The following TYW1 variants were observed in gnomAD, a reference collection of about 807,000 sequenced individuals.
TYW1 encodes the protein S-adenosyl-L-methionine-dependent tRNA 4-demethylwyosine synthase TYW1.
Under a neutral mutation model 96.2 loss-of-function variants are expected in TYW1, and 46 were observed. The observed-to-expected ratio is 0.48, with a 90% CI of 0.38 to 0.61. The LOEUF (loss-of-function observed/expected upper bound fraction) is 0.61, where lower values mean the gene tolerates loss of function less well. Ranked by LOEUF, TYW1 falls within the 20% of genes least tolerant of loss-of-function variation. The probability of loss-of-function intolerance (pLI) is 0.00; values close to 1 mark genes in which losing one functional copy is unlikely to be tolerated. For missense variants in TYW1, 684 were observed against 909.6 expected (o/e 0.75, Z 3.19); for synonymous variants, 274 against 323.0 (o/e 0.85, Z 1.63).
In TYW1 at chr7:67,098,709, C is replaced by T. The variant is rs370745036; in HGVS notation, c.1553C>T (p.Ala518Val). Reference protein sequence around the residue: ...SFLVTNAQFPAEIRNLEPVTQ... With the variant: ...SFLVTNAQFPVEIRNLEPVTQ... Reference sequence around the variant, plus strand: ...CTGGTCACAAACGCACAATTTCCTGCGGAAATCAGGTGAGTTCTCCAGCCT... The same window carrying T: ...CTGGTCACAAACGCACAATTTCCTGTGGAAATCAGGTGAGTTCTCCAGCCT... The change falls in exon 12 of 16, where the codon GCG becomes GTG. Residue 518 changes from alanine to valine, a missense_variant. Physicochemically the swap from Ala to Val is moderately conservative, Grantham distance 64 (BLOSUM62 0). Transcript: ENST00000359626. 98 of 1,613,252 alleles carry T rather than the reference C, an allele frequency of 6.1e-5. No individual in the cohort carries two copies. Among genetic ancestry groups the T allele is most frequent in the Non-Finnish European group, 7.6e-5 (90 of 1,179,630 alleles).
chr7:67,034,296 G>A (rs1381646209), intron 7 of TYW1, among the ~76,000 whole-genome samples: 1 of 151,678 alleles, frequency 6.6e-6, no homozygotes, highest in Admixed American at 6.6e-5. Context: ...AGTACAGACG[G>A]GGTTTTGCCA....
chr7:67,234,694 C>G (rs1007281490), intron 15 of TYW1, among the ~76,000 whole-genome samples: 2 of 152,162 alleles, frequency 1.3e-5, no homozygotes, highest in African/African-American at 4.8e-5. Flanking sequence ...TTTTAGCTTA[C>G]AGTTGTCCTA....
At chr7:67,073,767 CAAAAAAAAAAA>C (rs71526599) in intron 10 of TYW1, among the ~76,000 whole-genome samples, 1 of 42,322 alleles carries the variant, frequency 2.4e-5, no homozygotes, top group Non-Finnish European at 4.0e-5. Context: ...CGAGACTCTT[CAAAAAAAAAAA>C]AAAAAAAAAA....
At chr7:67,008,227 C>T (rs1200389985) in intron 3 of TYW1, among the ~76,000 whole-genome samples, 1 of 152,134 alleles carries the variant, frequency 6.6e-6, no homozygotes, top group Non-Finnish European at 1.5e-5. Flanking sequence ...CGTTTCTGGC[C>T]GTGTCTTCTC....
intron 13 of TYW1, among the ~76,000 whole-genome samples, chr7:67,121,767 CT>C (rs1797766923): frequency 6.6e-6 from 1 of 150,860 alleles, no homozygotes; most frequent in African/African-American, 2.5e-5. Context: ...TATTTCTGAT[CT>C]AGTACTACCC....
At chr7:67,120,113 T>C (rs1352468921) in intron 13 of TYW1, among the ~76,000 whole-genome samples, 1 of 152,038 alleles carries the variant, frequency 6.6e-6, no homozygotes, top group East Asian at 1.9e-4. Context: ...ATGGAGTCTC[T>C]TTCTGTTGCC....
chr7:67,212,214 A>G (rs752238346), intron 15 of TYW1, among the ~76,000 whole-genome samples: 3 of 151,350 alleles, frequency 2.0e-5, no homozygotes, highest in Admixed American at 6.6e-5. Context: ...TGGGAAGTAT[A>G]TACTATGTAG....
intron 15 of TYW1, among the ~76,000 whole-genome samples, chr7:67,230,747 G>A (rs148725882): frequency 6.7e-6 from 1 of 148,416 alleles, no homozygotes; most frequent in African/African-American, 2.5e-5. Flanking sequence ...CTACCTCCCG[G>A]GTTCAACCAA....
At chr7:67,178,701 T>C (rs1799749512) in intron 13 of TYW1, among the ~76,000 whole-genome samples, 1 of 152,074 alleles carries the variant, frequency 6.6e-6, no homozygotes, top group Non-Finnish European at 1.5e-5. Flanking sequence ...ATGATTCCAC[T>C]GACATAAATT....
At chr7:67,149,721 A>AT (rs1554376787) in intron 13 of TYW1, among the ~76,000 whole-genome samples, 2 of 108,066 alleles carry the variant, frequency 1.9e-5, no homozygotes, top group African/African-American at 6.4e-5. Context: ...AAGGAAAAAA[A>AT]ATATCTATCT....
At chr7:67,143,868 G>T (rs7793589) in intron 13 of TYW1, among the ~76,000 whole-genome samples, 33,475 of 151,908 alleles carry the variant, frequency 0.22, 3,746 homozygotes, top group South Asian at 0.28. Flanking sequence ...CTGAGAAAGC[G>T]TTTTTTGGTG....
At chr7:67,015,646 G>T (rs1043745165) in intron 5 of TYW1, among the ~76,000 whole-genome samples, 2 of 152,162 alleles carry the variant, frequency 1.3e-5, no homozygotes, top group African/African-American at 4.8e-5. Context: ...AACGTGTCCA[G>T]CCTGAGCTCA....
chr7:67,191,392 A>C (rs2949096), intron 14 of TYW1, among the ~76,000 whole-genome samples: 6 of 151,744 alleles, frequency 4.0e-5, no homozygotes, highest in African/African-American at 1.2e-4. Context: ...TGTTCTTCAC[A>C]AACATTCTTG....
intron 1 of TYW1, among the ~76,000 whole-genome samples, chr7:66,997,207 C>G (rs62466592): frequency 0.036 from 5,528 of 152,252 alleles, 155 homozygotes; most frequent in Middle Eastern, 0.11. Flanking sequence ...ACCCCTCCCA[C>G]TTTACCTACG....
intron 8 of TYW1, among the ~76,000 whole-genome samples, chr7:67,055,393 T>G (rs938384762): frequency 3.9e-5 from 6 of 152,200 alleles, no homozygotes; most frequent in African/African-American, 1.2e-4. Context: ...GGACAGGAGT[T>G]CGAGACCAGC....
intron 12 of TYW1, among the ~76,000 whole-genome samples, chr7:67,099,034 T>C (rs76112425): frequency 6.7e-6 from 1 of 149,436 alleles, no homozygotes; most frequent in African/African-American, 2.5e-5. Flanking sequence ...TATTATTATT[T>C]TTTTTTTTTG....
At chr7:67,234,283 G>T (rs1801818407) in intron 15 of TYW1, among the ~76,000 whole-genome samples, 1 of 98,382 alleles carries the variant, frequency 1.0e-5, no homozygotes, top group Admixed American at 1.0e-4. Context: ...CAAGATTGAG[G>T]CTGCAATGTG....
intron 12 of TYW1, among the ~76,000 whole-genome samples, chr7:67,106,846 C>T (rs1217862199): frequency 6.6e-6 from 1 of 152,194 alleles, no homozygotes; most frequent in Non-Finnish European, 1.5e-5. Context: ...GAAGACAGAG[C>T]TGTGTTCAGC....
intron 7 of TYW1, among the ~76,000 whole-genome samples, chr7:67,036,138 A>T (rs1297055346): frequency 6.7e-6 from 1 of 148,864 alleles, no homozygotes; most frequent in African/African-American, 2.4e-5. Context: ...GTGGCAACTT[A>T]TAATGAGTCT....
Sources: allele counts gnomAD v4.1 joint callset (sites outside exome capture counted in the v4.1 genomes callset), GRCh38; gene constraint gnomAD v4.1.1; transcripts MANE v1.5; gene names NCBI Gene and HGNC (gene_info 2026-07-23, HGNC 2026-07-21).